ADAMTSL3: variants seen among roughly 807,000 people sequenced by gnomAD.
ADAMTSL3 encodes ADAMTS like 3.
Under a neutral mutation model 201.7 loss-of-function variants are expected in ADAMTSL3, and 128 were observed. The ratio of observed to expected loss-of-function variants is 0.63; its 90% CI spans 0.55 to 0.73. ADAMTSL3 has a LOEUF of 0.73. Among genes scored for constraint, ADAMTSL3 ranks in the 30% least tolerant of loss-of-function variants. ADAMTSL3 has a pLI of 0.00. For missense variants in ADAMTSL3, 1,990 were observed against 2,119.6 expected, an observed-to-expected ratio of 0.94 and a Z score of 1.20; for synonymous variants, 738 against 748.4, an observed-to-expected ratio of 0.99 and a Z score of 0.23.
intron 5 of ADAMTSL3, among the ~76,000 whole-genome samples, chr15:83,815,571 CTG>C (rs1476100684): frequency 6.6e-6 from 1 of 152,222 alleles, no homozygotes; most frequent in East Asian, 1.9e-4. Flanking sequence ...GTCAAATAGA[CTG>C]TTTAAGACAC....
intron 6 of ADAMTSL3, among the ~76,000 whole-genome samples, chr15:83,823,987 CCTCCTT>C (rs1300229326): frequency 6.9e-6 from 1 of 144,066 alleles, no homozygotes; most frequent in Non-Finnish European, 1.5e-5. Flanking sequence ...TCCTCCTCCT[CCTCCTT>C]CTCCTTCTTC....
intron 7 of ADAMTSL3, among the ~76,000 whole-genome samples, chr15:83,850,533 A>G (rs2141740544): frequency 6.6e-6 from 1 of 151,030 alleles, no homozygotes; most frequent in East Asian, 1.9e-4. Flanking sequence ...TATATATAGA[A>G]CACTCTTTTA....
intron 17 of ADAMTSL3, among the ~76,000 whole-genome samples, chr15:83,935,852 A>T (rs1193343504): frequency 6.6e-6 from 1 of 152,110 alleles, no homozygotes. Flanking sequence ...GTAAGGTTAT[A>T]TGACAATTAA....
At chr15:83,907,376 A>G (rs2065858808) in intron 15 of ADAMTSL3, among the ~76,000 whole-genome samples, 1 of 152,168 alleles carries the variant, frequency 6.6e-6, no homozygotes, top group Non-Finnish European at 1.5e-5. Flanking sequence ...TTTAAAATGA[A>G]TAAATTGGCA....
chr15:83,883,701 A>G (rs1228145263), intron 9 of ADAMTSL3, among the ~76,000 whole-genome samples: 2 of 151,602 alleles, frequency 1.3e-5, no homozygotes, highest in African/African-American at 2.4e-5. Context: ...AGCTGGGACT[A>G]CAGGTGCATG....
At chr15:83,789,372 T>C (rs1455594026) in intron 4 of ADAMTSL3, among the ~76,000 whole-genome samples, 2 of 152,222 alleles carry the variant, frequency 1.3e-5, no homozygotes, top group Non-Finnish European at 2.9e-5. Context: ...AATAGACATT[T>C]GGGAGGAAAA....
At chr15:83,941,125 C>T (rs889222687) in intron 17 of ADAMTSL3, among the ~76,000 whole-genome samples, 1 of 151,492 alleles carries the variant, frequency 6.6e-6, no homozygotes, top group Non-Finnish European at 1.5e-5. Context: ...ATGCTTTTTA[C>T]AAGTTTATGT....
chr15:83,902,326 A>C (rs1471554), intron 15 of ADAMTSL3, among the ~76,000 whole-genome samples: 95,236 of 151,998 alleles, frequency 0.63, 30,928 homozygotes, highest in African/African-American at 0.79. Context: ...GCTGGAGTGC[A>C]GTGGCGTGAT....
At chr15:83,954,445 T>G (rs2142072606) in intron 19 of ADAMTSL3, among the ~76,000 whole-genome samples, 1 of 152,352 alleles carries the variant, frequency 6.6e-6, no homozygotes, top group Non-Finnish European at 1.5e-5. Flanking sequence ...TATATTGTCT[T>G]GAATTTGTTT....
At chr15:84,013,880 G>A (rs1052550345) in intron 23 of ADAMTSL3, among the ~76,000 whole-genome samples, 1 of 152,194 alleles carries the variant, frequency 6.6e-6, no homozygotes, top group Non-Finnish European at 1.5e-5. Flanking sequence ...CTTGGGGAAA[G>A]AAATTCTTTC....
intron 9 of ADAMTSL3, among the ~76,000 whole-genome samples, chr15:83,880,319 C>T (rs2065247005): frequency 6.6e-6 from 1 of 151,926 alleles, no homozygotes; most frequent in South Asian, 2.1e-4. Flanking sequence ...TTTACTGATC[C>T]TTTGCTCAGG....
At chr15:83,915,427 G>A (rs538218555) in intron 16 of ADAMTSL3, among the ~76,000 whole-genome samples, 8 of 151,798 alleles carry the variant, frequency 5.3e-5, no homozygotes, top group African/African-American at 1.2e-4. Context: ...TCTACCTTGT[G>A]TTCTCAGTAC....
intron 16 of ADAMTSL3, among the ~76,000 whole-genome samples, chr15:83,916,204 A>G (rs1444922086): frequency 1.3e-5 from 2 of 152,198 alleles, no homozygotes; most frequent in African/African-American, 2.4e-5. Flanking sequence ...GCTTTATGAT[A>G]TACTCTTGTG....
In ADAMTSL3 at chr15:83,823,970, CTT is replaced by C. The variant is rs1567170023; in HGVS notation, c.600+3924_600+3925del. 7.0e-3 allele frequency among the ~76,000 whole-genome samples: 569 copies of C among 81,802 alleles called. 3 individuals are homozygous for C. The highest frequency in any genetic ancestry group is 0.011 in the Admixed American group (72 of 6,508). The allele number at this position is 81,802 out of a possible 152,430, so 53.7% of individuals were successfully genotyped here. ...TCTTCTTCTTCTTCTTCTTCTTCTT[CTT>C]CTCCTCCTCCTCCTCCTCCTTCTCC... On this transcript the variant is annotated intron_variant, in intron 6 of 29. Transcript: ENST00000286744.
chr15:84,031,479 C>G (rs759828421), intron 28 of ADAMTSL3, 47 bp downstream of exon 28: 3 of 1,532,358 alleles, frequency 2.0e-6, no homozygotes, highest in South Asian at 2.2e-5. Flanking sequence ...CTGACTCACT[C>G]AGGACAATGA....
intron 8 of ADAMTSL3, among the ~76,000 whole-genome samples, chr15:83,863,242 A>C (rs2064904297): frequency 6.6e-6 from 1 of 152,144 alleles, no homozygotes; most frequent in African/African-American, 2.4e-5. Flanking sequence ...ATATCCAGGA[A>C]TTGAACTCAG....
intron 5 of ADAMTSL3, among the ~76,000 whole-genome samples, chr15:83,814,380 T>C (rs2063741030): frequency 6.6e-6 from 1 of 152,210 alleles, no homozygotes; most frequent in Non-Finnish European, 1.5e-5. Flanking sequence ...CTCACTTGCA[T>C]TCAAGGACCT....
At chr15:83,849,897 A>G (rs778774377) in intron 7 of ADAMTSL3, among the ~76,000 whole-genome samples, 38 of 152,220 alleles carry the variant, frequency 2.5e-4, no homozygotes, top group Non-Finnish European at 2.8e-4. Flanking sequence ...GTTATATAAG[A>G]TGAAATTGAA....
intron 2 of ADAMTSL3, among the ~76,000 whole-genome samples, chr15:83,703,621 G>A (rs1443978738): frequency 1.3e-5 from 2 of 151,982 alleles, no homozygotes; most frequent in African/African-American, 4.8e-5. Context: ...CCGTCATGTC[G>A]GAAGTGCCTT....
Sources: allele counts gnomAD v4.1 joint callset (sites outside exome capture counted in the v4.1 genomes callset), GRCh38; gene constraint gnomAD v4.1.1; transcripts MANE v1.5; gene names NCBI Gene and HGNC (gene_info 2026-07-23, HGNC 2026-07-21).